Variants in HS3ST3A1 observed in about 807,000 individuals in gnomAD.
The protein encoded by HS3ST3A1 is heparan sulfate-glucosamine 3-sulfotransferase 3A1.
In HS3ST3A1, 19 loss-of-function variants were observed where a neutral mutation model predicts 25.7. That is an observed-to-expected ratio of 0.74 (90% confidence interval 0.52 to 1.08). The LOEUF (loss-of-function observed/expected upper bound fraction) is 1.08, where lower values mean the gene tolerates loss of function less well. HS3ST3A1 is among the 50% of genes least tolerant of loss of function. The pLI is 0.00. For synonymous variants in HS3ST3A1, 226 were observed against 278.6 expected (o/e 0.81, Z 1.88); for missense variants, 459 against 594.3 (o/e 0.77, Z 2.37).
At chr17:13,577,360 C>G (rs562694052) in intron 1 of HS3ST3A1, among the ~76,000 whole-genome samples, 158 of 152,326 alleles carry the variant, frequency 1.0e-3, no homozygotes, top group African/African-American at 3.7e-3. Context: ...GTTCTCCAAG[C>G]TATTATCAGT....
At chr17:13,562,431 G>C (rs1907573609) in intron 1 of HS3ST3A1, among the ~76,000 whole-genome samples, 1 of 152,112 alleles carries the variant, frequency 6.6e-6, no homozygotes, top group South Asian at 2.1e-4. Flanking sequence ...GCGGGTGGGG[G>C]GGAAAGTAAC....
At chr17:13,509,906 T>C (rs1905807002) in intron 1 of HS3ST3A1, among the ~76,000 whole-genome samples, 2 of 152,232 alleles carry the variant, frequency 1.3e-5, no homozygotes, top group Non-Finnish European at 2.9e-5. Context: ...TACATTATTC[T>C]GCCTGAATTC....
intron 1 of HS3ST3A1, among the ~76,000 whole-genome samples, chr17:13,593,233 C>CGAAAAAAAAAAA (rs1908478406): frequency 9.7e-6 from 1 of 103,186 alleles, no homozygotes; most frequent in South Asian, 3.6e-4. Flanking sequence ...TGTTTGTAGC[C>CGAAAAAAAAAAA]AAAAAAAAAA....
At chr17:13,561,100 C>G (rs2142365247) in intron 1 of HS3ST3A1, among the ~76,000 whole-genome samples, 1 of 152,228 alleles carries the variant, frequency 6.6e-6, no homozygotes, top group East Asian at 1.9e-4. Flanking sequence ...TTAAAAGATG[C>G]AGAGATGCCT....
rs78674929 is a variant in HS3ST3A1 at position 13,515,632 on chromosome 17, A to C, written c.600-18814T>G. On this transcript the variant is annotated intron_variant, in intron 1 of 1. Coordinates refer to ENST00000284110, the MANE Select transcript of HS3ST3A1 (RefSeq NM_006042.3). The stretch of plus-strand genomic sequence containing the variant: ...CATTTTGCAGAGGTTGTATGTGAAT[A>C]CAAGTTTTACCATAGGCTAAATAGT... 1.8e-3 allele frequency among the ~76,000 whole-genome samples: 278 copies of C among 152,288 alleles called. 1 individual carries two copies. Among genetic ancestry groups the C allele is most frequent in the African/African-American group, 6.3e-3 (262 of 41,566 alleles).
intron 1 of HS3ST3A1, among the ~76,000 whole-genome samples, chr17:13,557,009 G>A (rs7224244): frequency 0.35 from 53,285 of 151,972 alleles, 11,910 homozygotes; most frequent in African/African-American, 0.64. Context: ...CAATAGGTTC[G>A]ACACAGTCAA....
chr17:13,519,866 A>G (rs1375094665), intron 1 of HS3ST3A1, among the ~76,000 whole-genome samples: 1 of 152,210 alleles, frequency 6.6e-6, no homozygotes, highest in African/African-American at 2.4e-5. Context: ...AACAAATGGC[A>G]AGCATTTAAA....
At chr17:13,509,380 A>T (rs1014749312) in intron 1 of HS3ST3A1, among the ~76,000 whole-genome samples, 2 of 152,240 alleles carry the variant, frequency 1.3e-5, no homozygotes, top group African/African-American at 4.8e-5. Context: ...AATTAAAAGC[A>T]CAAGAATGAA....
At chr17:13,521,037 C>G (rs1031972802) in intron 1 of HS3ST3A1, among the ~76,000 whole-genome samples, 1 of 152,206 alleles carries the variant, frequency 6.6e-6, no homozygotes, top group Admixed American at 6.5e-5. Context: ...TACAAGCATT[C>G]TGTTGGGCTT....
chr17:13,542,626 G>A lies in HS3ST3A1; in HGVS notation c.600-45808C>T, dbSNP rs555808820. 3.4e-4 allele frequency among the ~76,000 whole-genome samples: 52 copies of A among 151,962 alleles called. No individual in the cohort carries two copies. In the South Asian group the frequency reaches 4.6e-3, roughly 13 times the overall value. On this transcript the variant is annotated intron_variant, in intron 1 of 1. Coordinates refer to ENST00000284110, the MANE Select transcript of HS3ST3A1 (RefSeq NM_006042.3). ...TTGTTATGGTAGCCTGTGATATTTC[G>A]AAATATCACAGGCTACCATATTTTG...
intron 1 of HS3ST3A1, among the ~76,000 whole-genome samples, chr17:13,558,204 A>T (rs1034050792): frequency 1.3e-5 from 2 of 152,162 alleles, no homozygotes; most frequent in African/African-American, 4.8e-5. Flanking sequence ...CCTTGAGCCC[A>T]GGAGTTAGAG....
At chr17:13,530,143 T>C (rs1319923091) in intron 1 of HS3ST3A1, among the ~76,000 whole-genome samples, 1 of 152,034 alleles carries the variant, frequency 6.6e-6, no homozygotes, top group African/African-American at 2.4e-5. Context: ...ATAGATGCAA[T>C]ACAAAGTTCC....
At chr17:13,501,689 G>A (rs898895048) in intron 1 of HS3ST3A1, among the ~76,000 whole-genome samples, 12 of 152,102 alleles carry the variant, frequency 7.9e-5, no homozygotes, top group African/African-American at 2.9e-4. Flanking sequence ...AAAATTCCTG[G>A]ACTGTAATGA....
chr17:13,579,183 G>A (rs967641594), intron 1 of HS3ST3A1, among the ~76,000 whole-genome samples: 3 of 152,058 alleles, frequency 2.0e-5, no homozygotes, highest in South Asian at 2.1e-4. Context: ...CAGTACTGCC[G>A]GGAGTGTAAA....
intron 1 of HS3ST3A1, among the ~76,000 whole-genome samples, chr17:13,548,986 C>G (rs964491702): frequency 6.6e-6 from 1 of 152,218 alleles, no homozygotes; most frequent in Non-Finnish European, 1.5e-5. Context: ...ACTGGCCACC[C>G]GAGCCCGCAG....
chr17:13,552,026 A>AT (rs1295768869), intron 1 of HS3ST3A1, among the ~76,000 whole-genome samples: 6 of 152,194 alleles, frequency 3.9e-5, no homozygotes, highest in African/African-American at 7.2e-5. Flanking sequence ...TTTACACCTG[A>AT]TTTTATTGCT....
chr17:13,574,741 T>TACACAC (rs774926362), intron 1 of HS3ST3A1, among the ~76,000 whole-genome samples: 16 of 81,550 alleles, frequency 2.0e-4, no homozygotes, highest in African/African-American at 7.7e-4. Flanking sequence ...ACAAAACAAA[T>TACACAC]ACACACACAC....
At chr17:13,513,224 T>G (rs1211978465) in intron 1 of HS3ST3A1, among the ~76,000 whole-genome samples, 1 of 152,098 alleles carries the variant, frequency 6.6e-6, no homozygotes, top group Non-Finnish European at 1.5e-5. Context: ...ATGAGGCACT[T>G]CACGCGGACT....
rs370391908 is a variant in HS3ST3A1, at chr17:13,494,251, T to C, written c.*1946A>G. On this transcript the variant is annotated 3_prime_UTR_variant, in exon 2 of 2. Coordinates refer to ENST00000284110, the MANE Select transcript of HS3ST3A1 (RefSeq NM_006042.3). ...TGATTCAAGTAGAATAAAAACAGTC[T>C]GTGGCACTGGGAAATTGAGAGCATA... Among the ~76,000 whole-genome samples the C allele has an allele frequency of 5.3e-5, 8 of 152,208 alleles. No homozygotes were observed. Among genetic ancestry groups the C allele is most frequent in the African/African-American group, 1.7e-4 (7 of 41,460 alleles).
Sources: allele counts gnomAD v4.1 joint callset (sites outside exome capture counted in the v4.1 genomes callset), GRCh38; gene constraint gnomAD v4.1.1; transcripts MANE v1.5; gene names NCBI Gene and HGNC (gene_info 2026-07-23, HGNC 2026-07-21).